MAMLD1: variants seen among roughly 807,000 people sequenced by gnomAD.
The protein encoded by MAMLD1 is mastermind-like domain-containing protein 1.
MAMLD1 carries 14 observed loss-of-function variants against 45.0 expected under a neutral mutation model. That is an observed-to-expected ratio of 0.31 (90% CI 0.21 to 0.49). MAMLD1 has a LOEUF of 0.49. Among genes scored for constraint, MAMLD1 ranks in the 20% least tolerant of loss-of-function variants. The pLI, the probability that MAMLD1 is intolerant of heterozygous loss-of-function variation, is 0.99. For synonymous variants in MAMLD1, 254 were observed against 247.8 expected (o/e 1.02, Z -0.24); for missense variants, 543 against 603.6 (o/e 0.90, Z 1.05).
At chrX:150,461,511 C>G (rs1415676833) in intron 2 of MAMLD1, among the ~76,000 whole-genome samples, 1 of 111,683 alleles carries the variant, frequency 9.0e-6, no homozygotes, top group Non-Finnish European at 1.9e-5. Flanking sequence ...GATTATTCTG[C>G]CTCTTTAGAG....
chrX:150,441,433 A>G (rs782747618), intron 1 of MAMLD1, among the ~76,000 whole-genome samples: 2 of 110,061 alleles, frequency 1.8e-5, no homozygotes, highest in African/African-American at 6.5e-5. Flanking sequence ...ATTTAGTTTT[A>G]TACATTATCA....
intron 1 of MAMLD1, among the ~76,000 whole-genome samples, chrX:150,428,527 C>A (rs1458248325): frequency 8.9e-6 from 1 of 112,102 alleles, no homozygotes; most frequent in Non-Finnish European, 1.9e-5. Flanking sequence ...GCTTCCTGGG[C>A]AGGTGCTCAT....
intron 2 of MAMLD1, among the ~76,000 whole-genome samples, chrX:150,446,305 C>T (rs188967557): frequency 1.7e-3 from 187 of 111,932 alleles, no homozygotes; most frequent in Non-Finnish European, 2.5e-3. Context: ...GGTATTAGGG[C>T]CACAGAGGAG....
Position 150,421,861 on chromosome X carries a change from C to T in MAMLD1, c.-63-23593C>T, listed in dbSNP as rs368963260. 2.2e-4 allele frequency among the ~76,000 whole-genome samples: 25 copies of T among 111,997 alleles called. No individual in the cohort carries two copies. The East Asian group carries it at 2.8e-3, about 13-fold the overall frequency. Reference sequence around the variant, plus strand: ...TTGGTTTAATGTGGAAAGAAGGGACCCCAAGCTCCACCCAACCCCACTGGG... The same window carrying T: ...TTGGTTTAATGTGGAAAGAAGGGACTCCAAGCTCCACCCAACCCCACTGGG... On this transcript the variant is annotated intron_variant, in intron 1 of 7. Transcript: ENST00000370401.
intron 1 of MAMLD1, among the ~76,000 whole-genome samples, chrX:150,394,909 A>G (rs1242706312): frequency 9.0e-6 from 1 of 111,483 alleles, no homozygotes; most frequent in Non-Finnish European, 1.9e-5. Flanking sequence ...TGCGTTCCCA[A>G]TGGGTGTACC....
At chrX:150,423,130 G>T in intron 1 of MAMLD1, among the ~76,000 whole-genome samples, 1 of 111,921 alleles carries the variant, frequency 8.9e-6, no homozygotes, top group South Asian at 3.8e-4. Flanking sequence ...GCAAACCTTT[G>T]TTGGGCCAGC....
chrX:150,404,051 A>AAAGGAAGGAAGGAAGGAAGG (rs1557402599), intron 1 of MAMLD1, among the ~76,000 whole-genome samples: 3 of 87,378 alleles, frequency 3.4e-5, no homozygotes, highest in Non-Finnish European at 4.7e-5. Flanking sequence ...GGAAGGAAGG[A>AAAGGAAGGAAGGAAGGAAGG]AAGGAAGGAA....
intron 2 of MAMLD1, among the ~76,000 whole-genome samples, chrX:150,450,690 A>G (rs2035633657): frequency 9.0e-6 from 1 of 111,410 alleles, no homozygotes; most frequent in Non-Finnish European, 1.9e-5. Context: ...CTTTTTTTTA[A>G]TGATCAGAGG....
intron 1 of MAMLD1, among the ~76,000 whole-genome samples, chrX:150,408,051 C>A (rs1455483120): frequency 3.6e-5 from 4 of 111,737 alleles, no homozygotes; most frequent in African/African-American, 1.3e-4. Context: ...CTCCCAAAAG[C>A]CAACTGTTAT....
At chrX:150,379,254 ATC>A (rs1235994540) in intron 1 of MAMLD1, among the ~76,000 whole-genome samples, 1 of 111,917 alleles carries the variant, frequency 8.9e-6, no homozygotes, top group African/African-American at 3.3e-5. Flanking sequence ...ACAGTGAGAA[ATC>A]TCTCTGCCAT....
intron 5 of MAMLD1, among the ~76,000 whole-genome samples, chrX:150,484,621 T>C (rs1376648411): frequency 8.9e-6 from 1 of 112,684 alleles, no homozygotes; most frequent in East Asian, 2.8e-4. Flanking sequence ...CCAAGCCGTG[T>C]AGTTATTCTG....
intron 1 of MAMLD1, among the ~76,000 whole-genome samples, chrX:150,383,627 C>T (rs1462093263): frequency 1.8e-5 from 2 of 110,941 alleles, no homozygotes; most frequent in South Asian, 3.8e-4. Flanking sequence ...CACATACCAC[C>T]GAATTCACCC....
At position 150,469,687 on chromosome X, in the gene MAMLD1, C is replaced by T. The variant is rs782121331; in HGVS notation, c.172-58C>T. 62 of 749,767 alleles carry T rather than the reference C, an allele frequency of 8.3e-5. No individual in the cohort carries two copies. In the Middle Eastern group the frequency reaches 1.3e-3, roughly 16 times the overall value. The allele number at this position is 749,767 out of a possible 1,213,427, so 61.8% of individuals were successfully genotyped here. A position where few individuals can be genotyped will look rare whatever the true frequency, so the allele number is the denominator to read the frequency against. ...TGTGTGTGTGTGTGTGTGTGTGTGT[C>T]ACCTCTCTTCCCTTCTCCTCTCCTC... On this transcript the variant is annotated intron_variant, in intron 3 of 7. Coordinates refer to ENST00000370401, the MANE Select transcript of MAMLD1 (RefSeq NM_005491.5).
intron 2 of MAMLD1, among the ~76,000 whole-genome samples, chrX:150,458,269 T>C (rs2035931742): frequency 8.9e-6 from 1 of 111,979 alleles, no homozygotes; most frequent in Admixed American, 9.5e-5. Flanking sequence ...GAAGAGGTCA[T>C]AGACAGGATG....
At chrX:150,418,405 AT>A (rs2034344767) in intron 1 of MAMLD1, among the ~76,000 whole-genome samples, 1 of 109,013 alleles carries the variant, frequency 9.2e-6, no homozygotes, top group South Asian at 4.0e-4. Context: ...GGATTCATTA[AT>A]TTTTTGAAGG....
chrX:150,368,019 T>C (rs1170281770), intron 1 of MAMLD1, among the ~76,000 whole-genome samples: 1 of 111,096 alleles, frequency 9.0e-6, no homozygotes, highest in African/African-American at 3.3e-5. Context: ...GCAATAAACA[T>C]ACGTGTGCAT....
rs1239306119 is a variant in MAMLD1 at position 150,382,875 on chromosome X, ATTTTATTTTATTTTTTTTTTTTTTTATT to A, written c.-64+19355_-64+19382del. On this transcript the variant is annotated intron_variant, in intron 1 of 7. Coordinates refer to ENST00000370401, the MANE Select transcript of MAMLD1 (RefSeq NM_005491.5). ...CTTCAGATTACAAATATTTTGTCCC[ATTTTATTTTATTTTTTTTTTTTTTTATT>A]TTTTATTTTTTTTTTTTTTGAGACG... is the stretch of plus-strand genomic sequence containing the variant. Among the ~76,000 whole-genome samples the A allele has an allele frequency of 5.5e-3, 242 of 43,618 alleles. 59 individuals carry two copies. The highest frequency in any genetic ancestry group is 7.8e-3 in the Non-Finnish European group (206 of 26,515). 37.9% of individuals were successfully genotyped at this position (43,618 alleles called of 115,157 possible).
At chrX:150,366,630 T>C (rs1356203223) in intron 1 of MAMLD1, among the ~76,000 whole-genome samples, 2 of 112,026 alleles carry the variant, frequency 1.8e-5, no homozygotes, top group Non-Finnish European at 3.8e-5. Context: ...CAGCCCTCTT[T>C]TCACTTCATG....
chrX:150,394,429 C>A (rs782083247), intron 1 of MAMLD1, among the ~76,000 whole-genome samples: 1 of 110,572 alleles, frequency 9.0e-6, no homozygotes, highest in Non-Finnish European at 1.9e-5. Context: ...TATTCTGGAT[C>A]TTTTGCCTCT....
Sources: allele counts gnomAD v4.1 joint callset (sites outside exome capture counted in the v4.1 genomes callset), GRCh38; gene constraint gnomAD v4.1.1; transcripts MANE v1.5; gene names NCBI Gene and HGNC (gene_info 2026-07-23, HGNC 2026-07-21).